The following N4BP2 variants were observed in gnomAD, a reference collection of about 807,000 sequenced individuals.
The protein encoded by N4BP2 is NEDD4-binding protein 2.
In N4BP2, 91 loss-of-function variants were observed where a neutral mutation model predicts 152.8. That is an observed-to-expected ratio of 0.60 (90% CI 0.50 to 0.71). The LOEUF (loss-of-function observed/expected upper bound fraction) is 0.71. Ranked by LOEUF, N4BP2 falls within the 30% of genes least tolerant of loss-of-function variation. The probability of loss-of-function intolerance (pLI) is 0.00; values close to 1 mark genes in which losing one functional copy is unlikely to be tolerated. For missense variants in N4BP2, 1,923 were observed against 2,059.1 expected (o/e 0.93, Z 1.28); for synonymous variants, 646 against 705.3 (o/e 0.92, Z 1.33).
intron 1 of N4BP2, among the ~76,000 whole-genome samples, chr4:40,059,679 T>C (rs78227303): frequency 1.2e-3 from 180 of 152,260 alleles, no homozygotes; most frequent in African/African-American, 3.8e-3. Context: ...GATACCTACC[T>C]TGCCTGATAA....
Position 40,154,223 on chromosome 4 carries a change from G to T in N4BP2, c.5299G>T (p.Val1767Phe). 6.3e-7 allele frequency: 1 copy of T among 1,599,826 alleles called. No homozygotes were observed. ...TGAAATTAAACCAGGGTGCTTGAAA[G>T]TCATGCTAAAGTAAAATAAACATCC... Reference protein sequence around the residue: ...FSEIKPGCLKVMLK With the variant: ...FSEIKPGCLKFMLK The change falls in exon 18 of 18, where the codon GTC (valine) becomes TTC (phenylalanine). Residue 1767 changes from valine to phenylalanine, a missense_variant. Transcript: ENST00000261435.
intron 3 of N4BP2, chr4:40,100,014 C>A: frequency 2.2e-6 from 1 of 454,662 alleles, no homozygotes; most frequent in Non-Finnish European, 4.4e-6. Flanking sequence ...CCCTCCAATC[C>A]CTCTTTGTTT....
At chr4:40,182,511 C>T in the N4BP2 span, among the ~76,000 whole-genome samples, 3 of 151,990 alleles carry the variant, frequency 2.0e-5, no homozygotes, top group Non-Finnish European at 2.9e-5. Flanking sequence ...AGTGCAGTGG[C>T]GGGAACACAG....
rs559403303 is a variant in N4BP2 at position 40,136,504 on chromosome 4, A to G, written c.4647-440A>G. ...GGTTCAAGCGATTCTCGTGCCTCTCAGCCTCCCGAGTAGCTGGGATTACAG... is the reference window on the plus strand; with the variant it reads ...GGTTCAAGCGATTCTCGTGCCTCTCGGCCTCCCGAGTAGCTGGGATTACAG... On this transcript the variant is annotated intron_variant, in intron 13 of 17. Transcript: ENST00000261435. Among the ~76,000 whole-genome samples the G allele has an allele frequency of 1.3e-3, 205 of 152,206 alleles. 1 individual carries two copies. Among genetic ancestry groups the G allele is most frequent in the African/African-American group, 4.7e-3 (195 of 41,506 alleles).
chr4:40,111,940 G>A, intron 5 of N4BP2, 144 bp from the exon 6 acceptor site: 1 of 523,414 alleles, frequency 1.9e-6, no homozygotes, highest in Non-Finnish European at 3.4e-6. Context: ...TAATTTTTAT[G>A]TCCTCAAAGG....
intron 14 of N4BP2, among the ~76,000 whole-genome samples, chr4:40,141,110 C>G (rs983851345): frequency 2.0e-5 from 3 of 152,140 alleles, no homozygotes; most frequent in Non-Finnish European, 4.4e-5. Context: ...CCGGGCACAC[C>G]TCCCAGATGG....
Position 40,125,125 on chromosome 4 carries a change from T to C in N4BP2, c.4330+920T>C, listed in dbSNP as rs529362523. ...CAAGGAGTTTCACCTTGAAGATTCT[T>C]AGGATCCACTTTGGTCCAGACCTGT... On this transcript the variant is annotated intron_variant, in intron 11 of 17. Coordinates refer to ENST00000261435, the MANE Select transcript of N4BP2 (RefSeq NM_018177.6). Among the ~76,000 whole-genome samples, 17 of 152,238 alleles carry C rather than the reference T, an allele frequency of 1.1e-4. No individual in the cohort carries two copies. The South Asian group carries it at 2.7e-3, about 24-fold the overall frequency.
intron 2 of N4BP2, among the ~76,000 whole-genome samples, chr4:40,080,298 A>T (rs1387496505): frequency 6.9e-6 from 1 of 145,618 alleles, no homozygotes; most frequent in Non-Finnish European, 1.5e-5. Flanking sequence ...TGATTGGGAG[A>T]TAGTGTGAGC....
chr4:40,184,174 G>A, the N4BP2 span, among the ~76,000 whole-genome samples: 1 of 152,176 alleles, frequency 6.6e-6, no homozygotes, highest in African/African-American at 2.4e-5. Context: ...TATCGGGCAG[G>A]TAGTCATCTA....
At chr4:40,111,592 T>C (rs1047583660) in intron 5 of N4BP2, among the ~76,000 whole-genome samples, 1 of 152,008 alleles carries the variant, frequency 6.6e-6, no homozygotes, top group African/African-American at 2.4e-5. Context: ...GTGCTGGGAT[T>C]ACAGGCATGA....
chr4:40,093,800 A>C (rs1714856202), intron 2 of N4BP2, among the ~76,000 whole-genome samples: 1 of 151,966 alleles, frequency 6.6e-6, no homozygotes, highest in South Asian at 2.1e-4. Context: ...GGGTTTCACC[A>C]TGTTGGCCAG....
Position 40,120,621 on chromosome 4 carries a change from G to A in N4BP2, c.2510G>A (p.Cys837Tyr). The change falls in exon 9 of 18, where the codon TGT becomes TAT. Residue 837 changes from cysteine to tyrosine, a missense_variant. Physicochemically the swap from Cys to Tyr is radical, Grantham distance 194. Transcript: ENST00000261435. ...LVNSVSVNTD[C>Y]VQQRGSPHES... ...AACAGTGTATCTGTGAATACAGATT[G>A]TGTCCAGCAACGAGGATCTCCACAT... 2 of 1,614,114 alleles carry A rather than the reference G, an allele frequency of 1.2e-6. No individual in the cohort carries two copies. The highest frequency in any genetic ancestry group is 8.5e-7 in the Non-Finnish European group (1 of 1,180,006).
At chr4:40,142,418 T>C (rs1029349364) in intron 14 of N4BP2, 8 of 367,194 alleles carry the variant, frequency 2.2e-5, no homozygotes, top group Non-Finnish European at 3.5e-5. Flanking sequence ...CCTAATTGTA[T>C]TTTGATAATT....
At chr4:40,149,322 G>C (rs1000344669) in intron 16 of N4BP2, among the ~76,000 whole-genome samples, 2 of 152,192 alleles carry the variant, frequency 1.3e-5, no homozygotes, top group Non-Finnish European at 2.9e-5. Flanking sequence ...GATGAAGGCA[G>C]ATAAAAAGCC....
At chr4:40,114,815 G>A (rs1008762191) in intron 7 of N4BP2, among the ~76,000 whole-genome samples, 2 of 152,078 alleles carry the variant, frequency 1.3e-5, no homozygotes, top group Non-Finnish European at 2.9e-5. Flanking sequence ...TGTTTTCTTT[G>A]TGAGAATGTT....
intron 13 of N4BP2, among the ~76,000 whole-genome samples, chr4:40,135,711 C>T (rs11097016): frequency 0.17 from 26,500 of 152,008 alleles, 3,028 homozygotes; most frequent in Admixed American, 0.26. Context: ...TACAGGCGCC[C>T]GCCACCATGC....
At chr4:40,159,781 A>AT (rs1231622959), downstream of N4BP2, among the ~76,000 whole-genome samples, 2 of 152,126 alleles carry the variant, frequency 1.3e-5, no homozygotes, top group Non-Finnish European at 2.9e-5. Flanking sequence ...CTGCCACATC[A>AT]TTTTTTATCA....
At chr4:40,137,807 G>A (rs1719541188) in intron 14 of N4BP2, among the ~76,000 whole-genome samples, 1 of 152,160 alleles carries the variant, frequency 6.6e-6, no homozygotes, top group Non-Finnish European at 1.5e-5. Flanking sequence ...GGGTAAGCAG[G>A]TTTAGGATTG....
chr4:40,123,879 CTTAA>C (rs1407129467), intron 10 of N4BP2, among the ~76,000 whole-genome samples: 4 of 151,668 alleles, frequency 2.6e-5, no homozygotes, highest in Admixed American at 1.3e-4. Flanking sequence ...AAAGACAGTT[CTTAA>C]TTTATTTAAA....
Sources: allele counts gnomAD v4.1 joint callset (sites outside exome capture counted in the v4.1 genomes callset), GRCh38; gene constraint gnomAD v4.1.1; transcripts MANE v1.5; gene names NCBI Gene and HGNC (gene_info 2026-07-23, HGNC 2026-07-21).